The following ADGRB3 variants were observed in gnomAD, a reference collection of about 807,000 sequenced individuals.
The protein encoded by ADGRB3 is adhesion G protein-coupled receptor B3.
ADGRB3 carries 37 observed loss-of-function variants against 193.4 expected under a neutral mutation model. The observed-to-expected ratio is 0.19, with a 90% confidence interval of 0.15 to 0.25. The LOEUF is 0.25. Ranked by LOEUF, ADGRB3 falls within the 10% of genes least tolerant of loss-of-function variation. ADGRB3 has a pLI of 1.00. For missense variants in ADGRB3, 1,637 were observed against 1,852.9 expected (o/e 0.88, Z 2.14); for synonymous variants, 690 against 644.2 (o/e 1.07, Z -1.08).
rs1259216912 is a variant in ADGRB3, at chr6:69,361,520, A to G, written c.4239+8A>G. ...TCAATGAGTTCTTTAGAGGTGAGCC[A>G]CAGAAGATTAAATTTTTCCTTGATA... On this transcript the variant is annotated splice_region_variant and intron_variant, in intron 29 of 31. Coordinates refer to ENST00000370598, the MANE Select transcript of ADGRB3 (RefSeq NM_001704.3). 3 of 1,601,094 alleles carry G rather than the reference A, an allele frequency of 1.9e-6. No homozygotes were observed. Among genetic ancestry groups the G allele is most frequent in the Non-Finnish European group, 2.6e-6 (3 of 1,172,986 alleles).
At chr6:69,140,161 A>G (rs1372240079) in intron 17 of ADGRB3, among the ~76,000 whole-genome samples, 1 of 152,236 alleles carries the variant, frequency 6.6e-6, no homozygotes, top group Non-Finnish European at 1.5e-5. Flanking sequence ...ATAGCAATAT[A>G]CTAATTGACA....
At chr6:69,228,212 G>T (rs1403595406) in intron 17 of ADGRB3, among the ~76,000 whole-genome samples, 1 of 152,124 alleles carries the variant, frequency 6.6e-6, no homozygotes, top group South Asian at 2.1e-4. Context: ...AGTCGAGATT[G>T]CACCACTGCA....
At chr6:68,807,239 T>TTC (rs1767420902) in intron 3 of ADGRB3, among the ~76,000 whole-genome samples, 1 of 134,186 alleles carries the variant, frequency 7.5e-6, no homozygotes, top group South Asian at 2.4e-4. Flanking sequence ...TTTTTTCTTT[T>TTC]TTTTTTTTTT....
At chr6:68,931,754 C>G (rs1239877473) in intron 4 of ADGRB3, among the ~76,000 whole-genome samples, 1 of 151,930 alleles carries the variant, frequency 6.6e-6, no homozygotes, top group Non-Finnish European at 1.5e-5. Context: ...GAGTTTTGCT[C>G]TTAATAAGGG....
intron 17 of ADGRB3, among the ~76,000 whole-genome samples, chr6:69,089,681 C>T (rs1023786132): frequency 5.3e-5 from 8 of 152,232 alleles, no homozygotes; most frequent in African/African-American, 1.9e-4. Context: ...ATGTACTTCA[C>T]CTCCTGTACT....
chr6:69,019,088 A>G (rs1770184598), intron 13 of ADGRB3, among the ~76,000 whole-genome samples: 1 of 152,008 alleles, frequency 6.6e-6, no homozygotes, highest in African/African-American at 2.4e-5. Context: ...CTGTAATGCA[A>G]CAACCATTAT....
chr6:68,858,463 C>T (rs1209614723), intron 3 of ADGRB3, among the ~76,000 whole-genome samples: 1 of 139,700 alleles, frequency 7.2e-6, no homozygotes, highest in Non-Finnish European at 1.5e-5. Context: ...GAGATGGAGC[C>T]ATTGCACTTT....
At chr6:69,254,999 T>C (rs1238844475) in intron 20 of ADGRB3, among the ~76,000 whole-genome samples, 3 of 151,570 alleles carry the variant, frequency 2.0e-5, no homozygotes, top group African/African-American at 7.3e-5. Context: ...AGAATGATGA[T>C]TTCCAATTTC....
intron 3 of ADGRB3, among the ~76,000 whole-genome samples, chr6:68,839,396 G>C (rs1768107823): frequency 6.6e-6 from 1 of 152,138 alleles, no homozygotes; most frequent in Admixed American, 6.5e-5. Flanking sequence ...AGTGTCAAAA[G>C]AGCCGTATGC....
At chr6:68,863,279 G>C (rs1048630116) in intron 3 of ADGRB3, among the ~76,000 whole-genome samples, 1 of 151,844 alleles carries the variant, frequency 6.6e-6, no homozygotes, top group African/African-American at 2.4e-5. Context: ...AAAAGAAATG[G>C]TCAAATATAT....
chr6:69,381,052 C>A (rs1370318735), intron 30 of ADGRB3, among the ~76,000 whole-genome samples: 1 of 151,798 alleles, frequency 6.6e-6, no homozygotes, highest in Non-Finnish European at 1.5e-5. Context: ...CCTTATGACA[C>A]AAATCCATAT....
intron 17 of ADGRB3, among the ~76,000 whole-genome samples, chr6:69,151,205 A>G (rs958793521): frequency 6.6e-6 from 1 of 152,124 alleles, no homozygotes; most frequent in African/African-American, 2.4e-5. Flanking sequence ...TCTGTGACCT[A>G]GAATGCCTTT....
chr6:68,762,129 A>G (rs768276551), intron 3 of ADGRB3, among the ~76,000 whole-genome samples: 5 of 152,148 alleles, frequency 3.3e-5, no homozygotes, highest in Non-Finnish European at 5.9e-5. Flanking sequence ...GGTATTTTAT[A>G]GTTTTAATGC....
chr6:68,997,566 T>C (rs78647036), intron 11 of ADGRB3, among the ~76,000 whole-genome samples: 4,053 of 149,578 alleles, frequency 0.027, 59 homozygotes, highest in Non-Finnish European at 0.033. Flanking sequence ...TGAGGCGGTA[T>C]CTCTTGAACC....
chr6:69,275,695 TAA>T (rs113466471), intron 20 of ADGRB3, among the ~76,000 whole-genome samples: 2 of 149,592 alleles, frequency 1.3e-5, no homozygotes, highest in Non-Finnish European at 3.0e-5. Flanking sequence ...GGACATAATA[TAA>T]AAAAAAAACA....
At chr6:69,042,637 C>A (rs17479848) in intron 13 of ADGRB3, among the ~76,000 whole-genome samples, 1 of 152,154 alleles carries the variant, frequency 6.6e-6, no homozygotes, top group Admixed American at 6.5e-5. Context: ...CACACTGAGG[C>A]AATGCATCGT....
chr6:69,073,458 A>G (rs1772136856), intron 16 of ADGRB3, among the ~76,000 whole-genome samples: 1 of 152,088 alleles, frequency 6.6e-6, no homozygotes, highest in South Asian at 2.1e-4. Context: ...GCTTGCAGAC[A>G]CTTTGAAGGG....
At position 69,323,973 on chromosome 6, in the gene ADGRB3, G is replaced by A. The variant is rs987724506; in HGVS notation, c.2815-899G>A. Among the ~76,000 whole-genome samples, 60 of 151,982 alleles carry A rather than the reference G, an allele frequency of 3.9e-4. 1 individual carries two copies. Among genetic ancestry groups the A allele is most frequent in the Non-Finnish European group, 2.6e-4 (18 of 67,944 alleles). Reference sequence around the variant, plus strand: ...TTGCCATTTTCCGTTTTTAAAAATGGTAAGACTGAGAATGACTGACAAAAG... The same window carrying A: ...TTGCCATTTTCCGTTTTTAAAAATGATAAGACTGAGAATGACTGACAAAAG... On this transcript the variant is annotated intron_variant, in intron 20 of 31. Coordinates refer to ENST00000370598, the MANE Select transcript of ADGRB3 (RefSeq NM_001704.3).
chr6:69,250,104 C>G (rs1766589276), intron 20 of ADGRB3, among the ~76,000 whole-genome samples: 1 of 152,096 alleles, frequency 6.6e-6, no homozygotes, highest in Non-Finnish European at 1.5e-5. Context: ...CTACAATACA[C>G]ATAGTTTTCA....
Sources: gnomAD v4.1 joint callset for allele counts (sites outside exome capture counted in the v4.1 genomes callset) on GRCh38, gnomAD v4.1.1 for gene constraint, MANE v1.5 for transcripts, NCBI Gene and HGNC (gene_info 2026-07-23, HGNC 2026-07-21) for gene names.